CREBBP: variants seen among roughly 807,000 people sequenced by gnomAD.
CREBBP encodes CREB-binding protein.
In CREBBP, 19 loss-of-function variants were observed where a neutral mutation model predicts 265.0. That is an observed-to-expected ratio of 0.07 (90% CI 0.05 to 0.11). CREBBP has a LOEUF of 0.11. Among genes scored for constraint, CREBBP ranks in the 10% least tolerant of loss-of-function variants. The pLI is 1.00. For synonymous variants in CREBBP, 1,457 were observed against 1,223.7 expected (o/e 1.19, Z -3.98); for missense variants, 2,525 against 3,219.0 (o/e 0.78, Z 5.22).
intron 2 of CREBBP, among the ~76,000 whole-genome samples, chr16:3,824,168 A>G (rs1295521131): frequency 6.6e-6 from 1 of 152,244 alleles, no homozygotes; most frequent in Non-Finnish European, 1.5e-5. Context: ...GAGTTTCAAA[A>G]GGGAGAGGGG....
chr16:3,761,690 C>CA (rs1165246236), intron 16 of CREBBP: 3 of 460,840 alleles, frequency 6.5e-6, no homozygotes, highest in South Asian at 1.6e-5. Flanking sequence ...ACTCCCCACG[C>CA]ACACGGTCCC....
At chr16:3,874,513 C>T (rs1364677732) in intron 1 of CREBBP, among the ~76,000 whole-genome samples, 1 of 152,234 alleles carries the variant, frequency 6.6e-6, no homozygotes. Flanking sequence ...GGCCCACTCG[C>T]CTATGGCTAC....
intron 3 of CREBBP, among the ~76,000 whole-genome samples, chr16:3,794,164 A>G (rs1200806823): frequency 6.6e-6 from 1 of 151,802 alleles, no homozygotes; most frequent in African/African-American, 2.4e-5. Flanking sequence ...CATCTCTACT[A>G]AAAAACAGAA....
chr16:3,864,137 T>A (rs1332732253), intron 1 of CREBBP, among the ~76,000 whole-genome samples: 1 of 152,116 alleles, frequency 6.6e-6, no homozygotes, highest in African/African-American at 2.4e-5. Context: ...CCCAGCCATA[T>A]TGTAAGAACA....
At chr16:3,791,749 G>A (rs1039565632) in intron 5 of CREBBP, among the ~76,000 whole-genome samples, 2 of 152,146 alleles carry the variant, frequency 1.3e-5, no homozygotes, top group African/African-American at 2.4e-5. Flanking sequence ...CAGGGGGCAG[G>A]GAGAGGGAGA....
intron 2 of CREBBP, chr16:3,813,125 T>C (rs1028748524): frequency 8.7e-6 from 2 of 230,684 alleles, no homozygotes; most frequent in African/African-American, 2.2e-5. Flanking sequence ...GAAATGCCTG[T>C]ACAGAAACAC....
At chr16:3,774,838 A>T in intron 11 of CREBBP, 145 bp from the exon 12 acceptor site, 1 of 1,087,602 alleles carries the variant, frequency 9.2e-7, no homozygotes, top group Non-Finnish European at 1.4e-6. Flanking sequence ...TAATCAATGA[A>T]GATGATGAAG....
intron 2 of CREBBP, among the ~76,000 whole-genome samples, chr16:3,832,958 C>T (rs546429626): frequency 2.6e-5 from 4 of 152,072 alleles, no homozygotes; most frequent in African/African-American, 4.8e-5. Context: ...ATTCAGTAAT[C>T]GCTTATGATC....
At chr16:3,778,252 G>A (rs2141235414) in intron 9 of CREBBP, 70 bp from the exon 10 acceptor site, 2 of 1,294,682 alleles carry the variant, frequency 1.5e-6, no homozygotes, top group Non-Finnish European at 2.2e-6. Context: ...CTGTGTTGTA[G>A]GTTCTAACTA....
intron 3 of CREBBP, among the ~76,000 whole-genome samples, chr16:3,796,349 G>A (rs1454608963): frequency 6.6e-6 from 1 of 151,780 alleles, no homozygotes; most frequent in African/African-American, 2.4e-5. Context: ...CCATGTAGCT[G>A]GGATCACAGA....
At chr16:3,746,483 G>C (rs1053267915) in intron 21 of CREBBP, among the ~76,000 whole-genome samples, 1 of 152,134 alleles carries the variant, frequency 6.6e-6, no homozygotes, top group Non-Finnish European at 1.5e-5. Context: ...CTTTCCTCCA[G>C]TGCTTATCCT....
chr16:3,774,044 G>GCT, intron 12 of CREBBP, 114 bp from the exon 13 acceptor site: 1 of 1,150,776 alleles, frequency 8.7e-7, no homozygotes, highest in East Asian at 2.4e-5. Flanking sequence ...CAAGCACAGG[G>GCT]CTCACATCCT....
At chr16:3,875,057 C>T (rs9929384) in intron 1 of CREBBP, among the ~76,000 whole-genome samples, 4,836 of 152,228 alleles carry the variant, frequency 0.032, 208 homozygotes, top group African/African-American at 0.089. Flanking sequence ...ACATACTTTG[C>T]CACACAATTA....
At chr16:3,871,748 G>T (rs1410142493) in intron 1 of CREBBP, among the ~76,000 whole-genome samples, 2 of 152,160 alleles carry the variant, frequency 1.3e-5, no homozygotes, top group African/African-American at 4.8e-5. Flanking sequence ...ATTATAAAAA[G>T]ATTTGCTTTA....
intron 16 of CREBBP, chr16:3,767,518 C>T: frequency 1.5e-6 from 1 of 674,092 alleles, no homozygotes; most frequent in African/African-American, 1.8e-5. Flanking sequence ...TCTCTCACTC[C>T]TGCCATGAGC....
chr16:3,764,907 T>G (rs2052810228), intron 16 of CREBBP, among the ~76,000 whole-genome samples: 1 of 152,114 alleles, frequency 6.6e-6, no homozygotes, highest in Non-Finnish European at 1.5e-5. Context: ...GATGAGATAG[T>G]AAAAAGTATT....
chr16:3,775,631 T>C (rs2053119845), intron 11 of CREBBP, among the ~76,000 whole-genome samples: 1 of 151,912 alleles, frequency 6.6e-6, no homozygotes, highest in South Asian at 2.1e-4. Context: ...TTCCAGGGAG[T>C]CTATAATGTA....
Position 3,728,261 on chromosome 16 carries a change from G to T in CREBBP, c.6786C>A (p.Gly2262=). 6.2e-7 allele frequency: 1 copy of T among 1,612,534 alleles called. No individual in the cohort carries two copies. Residue 2262 remains glycine (G), a synonymous_variant, in exon 31 of 31, where the codon GGC becomes GGA. Coordinates refer to ENST00000262367, the MANE Select transcript of CREBBP (RefSeq NM_004380.3). This position sits in a 1 kb window ranked among gnomAD's most constrained non-coding sequence, Gnocchi z 8.7. ...GCTGTCCCATCTGAGCCGCCATCTG[G>T]CCCATGGAGCTGCCCTGGAGGGGGA... ...QHLPLQGSSM[G]QMAAQMGQLG... is the part of the protein sequence containing the mutation.
intron 1 of CREBBP, among the ~76,000 whole-genome samples, chr16:3,878,157 C>G (rs181368062): frequency 6.6e-6 from 1 of 152,220 alleles, no homozygotes; most frequent in East Asian, 1.9e-4. Flanking sequence ...ACAAAGCCAT[C>G]CAGGTTACCA....
Sources: allele counts gnomAD v4.1 joint callset (sites outside exome capture counted in the v4.1 genomes callset), GRCh38; gene constraint gnomAD v4.1.1; non-coding constraint Gnocchi (gnomAD v3.1); transcripts MANE v1.5; gene names NCBI Gene and HGNC (gene_info 2026-07-23, HGNC 2026-07-21).